HYCC1: variants seen among roughly 807,000 people sequenced by gnomAD.
The protein encoded by HYCC1 is hyccin PI4KA lipid kinase complex subunit 1.
chr7:22,967,523 G>A, the HYCC1 span, among the ~76,000 whole-genome samples: 2 of 152,300 alleles, frequency 1.3e-5, no homozygotes, highest in South Asian at 2.1e-4. Context: ...GTTTTACCAC[G>A]TAGACACTGG....
the HYCC1 span, among the ~76,000 whole-genome samples, chr7:22,902,341 T>G: frequency 7.2e-6 from 1 of 138,192 alleles, no homozygotes; most frequent in Non-Finnish European, 1.6e-5. Flanking sequence ...AGTTTTAAAT[T>G]AATGATTATT....
chr7:22,964,378 A>C, the HYCC1 span: 6 of 1,157,816 alleles, frequency 5.2e-6, no homozygotes, highest in Non-Finnish European at 7.9e-6. Context: ...TTTCCAAAGA[A>C]ATTAAATGTT....
At chr7:22,978,174 A>C in the HYCC1 span, 1 of 1,192,232 alleles carries the variant, frequency 8.4e-7, no homozygotes, top group East Asian at 2.5e-5. Flanking sequence ...TGTATGAAAA[A>C]ACAAACACTA....
the HYCC1 span, chr7:22,983,872 C>T: frequency 5.6e-6 from 5 of 888,080 alleles, no homozygotes; most frequent in African/African-American, 8.3e-5. Context: ...CCCTTTATAT[C>T]TATTTCACAA....
the HYCC1 span, among the ~76,000 whole-genome samples, chr7:22,900,592 T>C: frequency 3.9e-5 from 6 of 152,174 alleles, no homozygotes; most frequent in Non-Finnish European, 8.8e-5. Flanking sequence ...TTATAATTCT[T>C]AGAGCAATCA....
chr7:22,944,348 G>A, the HYCC1 span: 4 of 152,158 alleles, frequency 2.6e-5, no homozygotes, highest in Non-Finnish European at 2.9e-5. Context: ...TCCATCTAGA[G>A]GTCACATACA....
chr7:22,922,389 T>C, the HYCC1 span, among the ~76,000 whole-genome samples: 1 of 152,206 alleles, frequency 6.6e-6, no homozygotes, highest in Non-Finnish European at 1.5e-5. Flanking sequence ...ATGCATTTAA[T>C]ACATCCAGCC....
At chr7:22,913,356 G>A in the HYCC1 span, among the ~76,000 whole-genome samples, 1 of 152,164 alleles carries the variant, frequency 6.6e-6, no homozygotes, top group South Asian at 2.1e-4. Context: ...AGAGAAACTA[G>A]GGGAAAAGAT....
the HYCC1 span, chr7:22,942,818 G>T: frequency 6.6e-6 from 1 of 152,080 alleles, no homozygotes; most frequent in Non-Finnish European, 1.5e-5. Context: ...AATAGTAATG[G>T]TTACCATAGT....
At chr7:22,917,529 G>A in the HYCC1 span, among the ~76,000 whole-genome samples, 1 of 152,158 alleles carries the variant, frequency 6.6e-6, no homozygotes, top group Non-Finnish European at 1.5e-5. Flanking sequence ...CCCGAGTCAG[G>A]AAACTAAAAT....
chr7:22,991,151 C>G, the HYCC1 span: 1 of 1,538,046 alleles, frequency 6.5e-7, no homozygotes, highest in African/African-American at 1.4e-5. Context: ...TGAAAATTAA[C>G]ATAGAAAAAT....
chr7:22,963,409 G>A, the HYCC1 span, among the ~76,000 whole-genome samples: 22 of 152,274 alleles, frequency 1.4e-4, no homozygotes, highest in East Asian at 4.2e-3. Flanking sequence ...CACGGTAACA[G>A]AGATGAAAAA....
chr7:22,942,121 C>T, the HYCC1 span: 1 of 152,026 alleles, frequency 6.6e-6, no homozygotes. Flanking sequence ...ACAGTTTTAA[C>T]ATTTTAGTTT....
chr7:22,975,819 T>TG, the HYCC1 span, among the ~76,000 whole-genome samples: 3 of 152,262 alleles, frequency 2.0e-5, no homozygotes, highest in African/African-American at 4.8e-5. Flanking sequence ...CGGGCTCAAG[T>TG]GATCCTCCCA....
At chr7:22,996,524 A>C in the HYCC1 span, among the ~76,000 whole-genome samples, 3 of 151,446 alleles carry the variant, frequency 2.0e-5, no homozygotes, top group African/African-American at 7.3e-5. Flanking sequence ...AAGAAATAAA[A>C]AATTAAAAAG....
the HYCC1 span, chr7:22,941,594 A>T: frequency 6.6e-6 from 1 of 152,296 alleles, no homozygotes; most frequent in Non-Finnish European, 1.5e-5. Flanking sequence ...GTTTATGGTA[A>T]AAACTTCCTA....
the HYCC1 span, among the ~76,000 whole-genome samples, chr7:22,964,217 T>G: frequency 6.6e-6 from 1 of 152,134 alleles, no homozygotes; most frequent in Non-Finnish European, 1.5e-5. Flanking sequence ...GGTTAGAAAT[T>G]CTTCAGAACT....
chr7:22,933,395 CT>C, the HYCC1 span, among the ~76,000 whole-genome samples: 1 of 151,900 alleles, frequency 6.6e-6, no homozygotes, highest in Non-Finnish European at 1.5e-5. Flanking sequence ...GATAGTTGAC[CT>C]TTTCATCATT....
At chr7:23,008,156 A>T in the HYCC1 span, among the ~76,000 whole-genome samples, 1 of 152,082 alleles carries the variant, frequency 6.6e-6, no homozygotes, top group East Asian at 1.9e-4. Context: ...GTTACTACAA[A>T]ACACAATAAA....
Sources: allele counts gnomAD v4.1 joint callset (sites outside exome capture counted in the v4.1 genomes callset), GRCh38; gene constraint gnomAD v4.1.1; transcripts MANE v1.5; gene names NCBI Gene and HGNC (gene_info 2026-07-23, HGNC 2026-07-21).